DMD: variants seen among roughly 807,000 people sequenced by gnomAD.
The protein encoded by DMD is mutant dystrophin.
DMD carries 63 observed loss-of-function variants against 330.1 expected under a neutral mutation model. The ratio of observed to expected loss-of-function variants is 0.19; its 90% confidence interval spans 0.16 to 0.24. The LOEUF (loss-of-function observed/expected upper bound fraction) is 0.24, where lower values mean the gene tolerates loss of function less well. Among genes scored for constraint, DMD ranks in the 10% least tolerant of loss-of-function variants. The probability of loss-of-function intolerance (pLI) is 1.00; values close to 1 mark genes in which losing one functional copy is unlikely to be tolerated. For missense variants in DMD, 3,344 were observed against 2,684.1 expected (o/e 1.25, Z -5.43); for synonymous variants, 1,223 against 959.8 (o/e 1.27, Z -5.07).
chrX:32,667,266 C>T (rs1053105973), intron 9 of DMD, among the ~76,000 whole-genome samples: 8 of 111,333 alleles, frequency 7.2e-5, no homozygotes, highest in Admixed American at 2.9e-4. Flanking sequence ...ATTACTGGCC[C>T]GGAAGACGTT....
At chrX:32,606,964 T>G in intron 12 of DMD, among the ~76,000 whole-genome samples, 1 of 109,214 alleles carries the variant, frequency 9.2e-6, no homozygotes, top group Non-Finnish European at 1.9e-5. Flanking sequence ...TAGAGTGGAA[T>G]AATATAAACT....
At chrX:32,507,986 A>G (rs1277272610) in intron 18 of DMD, among the ~76,000 whole-genome samples, 1 of 110,192 alleles carries the variant, frequency 9.1e-6, no homozygotes, top group African/African-American at 3.3e-5. Context: ...AATGGATATT[A>G]TTCAAAAAGG....
At chrX:32,671,752 T>C (rs2061649207) in intron 9 of DMD, among the ~76,000 whole-genome samples, 1 of 112,147 alleles carries the variant, frequency 8.9e-6, no homozygotes, top group African/African-American at 3.2e-5. Context: ...TTTGTTTCTG[T>C]AAATTCTATA....
intron 1 of DMD, among the ~76,000 whole-genome samples, chrX:33,121,555 G>A (rs1035816413): frequency 1.8e-5 from 2 of 111,928 alleles, no homozygotes; most frequent in Non-Finnish European, 3.8e-5. Flanking sequence ...TTAATTTGCA[G>A]ACTTTTAAGA....
intron 1 of DMD, chrX:33,041,324 C>T: frequency 9.1e-7 from 1 of 1,101,825 alleles, no homozygotes; most frequent in South Asian, 1.9e-5. Context: ...TAAATAGCTA[C>T]CGCCTCTGCG....
intron 59 of DMD, among the ~76,000 whole-genome samples, chrX:31,475,891 A>ATATAATGTG (rs2067706599): frequency 9.0e-6 from 1 of 111,594 alleles, no homozygotes; most frequent in Non-Finnish European, 1.9e-5. Context: ...TTTTATAACT[A>ATATAATGTG]CCTGTCCAGC....
intron 29 of DMD, among the ~76,000 whole-genome samples, chrX:32,417,609 G>T (rs993829053): frequency 8.1e-5 from 9 of 111,493 alleles, no homozygotes; most frequent in African/African-American, 2.9e-4. Context: ...TTTCTCAATA[G>T]GTCAAGTGAA....
intron 55 of DMD, among the ~76,000 whole-genome samples, chrX:31,549,947 C>A (rs938557979): frequency 8.9e-6 from 1 of 112,448 alleles, no homozygotes. Context: ...ACAGAAACCA[C>A]ACCATAGGTT....
chrX:32,175,763 T>C (rs73458006), intron 44 of DMD, among the ~76,000 whole-genome samples: 3,063 of 111,531 alleles, frequency 0.027, 113 homozygotes, highest in African/African-American at 0.091. Context: ...TTACCTTTTG[T>C]ACATGAAACT....
At chrX:33,001,627 C>T (rs1283010249) in intron 2 of DMD, among the ~76,000 whole-genome samples, 1 of 111,249 alleles carries the variant, frequency 9.0e-6, no homozygotes, top group African/African-American at 3.3e-5. Flanking sequence ...TTATTAGACA[C>T]TGTCTAATGT....
At chrX:32,498,315 A>T (rs1409850021) in intron 19 of DMD, among the ~76,000 whole-genome samples, 2 of 111,967 alleles carry the variant, frequency 1.8e-5, no homozygotes, top group Admixed American at 1.9e-4. Context: ...AAGAACAGTA[A>T]ATTAATTTTA....
intron 2 of DMD, among the ~76,000 whole-genome samples, chrX:33,008,743 TAC>T (rs1300154524): frequency 5.2e-5 from 4 of 76,995 alleles, no homozygotes; most frequent in African/African-American, 2.0e-4. Flanking sequence ...AATATATATA[TAC>T]ATCAGATAAG....
At chrX:31,734,376 C>T (rs1054664384) in intron 51 of DMD, among the ~76,000 whole-genome samples, 1 of 111,052 alleles carries the variant, frequency 9.0e-6, no homozygotes, top group African/African-American at 3.3e-5. Flanking sequence ...GGCTTTAGTA[C>T]CATAATCTTA....
At chrX:32,512,703 C>T (rs1385032163) in intron 18 of DMD, among the ~76,000 whole-genome samples, 1 of 112,378 alleles carries the variant, frequency 8.9e-6, no homozygotes, top group Non-Finnish European at 1.9e-5. Context: ...ACTCTTCAGA[C>T]AAAGACCACT....
At position 32,807,905 on chromosome X, in the gene DMD, G is replaced by C. The variant is rs1287317372; in HGVS notation, c.649+1588C>G. Among the ~76,000 whole-genome samples the C allele has an allele frequency of 1.8e-5, 2 of 111,591 alleles. 1 individual carries two copies. Among genetic ancestry groups the C allele is most frequent in the Non-Finnish European group, 3.8e-5 (2 of 52,977 alleles). ...TAGGACACACACAAGAATAACTAGAGCATACACCCCAATAATGGGAACTGA... is the reference window on the plus strand; with the variant it reads ...TAGGACACACACAAGAATAACTAGACCATACACCCCAATAATGGGAACTGA... On this transcript the variant is annotated intron_variant, in intron 7 of 78. Coordinates refer to ENST00000357033, the MANE Select transcript of DMD (RefSeq NM_004006.3).
chrX:32,191,984 T>G (rs1313279365), intron 44 of DMD, among the ~76,000 whole-genome samples: 1 of 111,979 alleles, frequency 8.9e-6, no homozygotes, highest in Admixed American at 9.5e-5. Flanking sequence ...AAACTGAGGT[T>G]ACAAATACGA....
chrX:32,039,389 C>CA (rs2095980293), intron 44 of DMD, among the ~76,000 whole-genome samples: 1 of 111,096 alleles, frequency 9.0e-6, no homozygotes. Flanking sequence ...CACTTGGGCT[C>CA]AAAAATATCC....
chrX:32,704,440 C>A (rs947438302), intron 7 of DMD, among the ~76,000 whole-genome samples: 2 of 111,714 alleles, frequency 1.8e-5, no homozygotes, highest in African/African-American at 6.5e-5. Flanking sequence ...CCTTCAAACA[C>A]CGCTGGGAAA....
At chrX:32,580,661 A>G (rs1057334088) in intron 13 of DMD, among the ~76,000 whole-genome samples, 3 of 112,082 alleles carry the variant, frequency 2.7e-5, no homozygotes, top group African/African-American at 9.7e-5. Context: ...AATCTGGAGC[A>G]TGATAGAATT....
Sources: allele counts gnomAD v4.1 joint callset (sites outside exome capture counted in the v4.1 genomes callset), GRCh38; gene constraint gnomAD v4.1.1; transcripts MANE v1.5; gene names NCBI Gene and HGNC (gene_info 2026-07-23, HGNC 2026-07-21).